The following ELMO1 variants were observed in gnomAD, a reference collection of about 807,000 sequenced individuals.
The protein encoded by ELMO1 is engulfment and cell motility 1.
Under a neutral mutation model 98.9 loss-of-function variants are expected in ELMO1, and 26 were observed. That is an observed-to-expected ratio of 0.26 (90% confidence interval 0.19 to 0.36). The LOEUF is 0.36. Among genes scored for constraint, ELMO1 ranks in the 10% least tolerant of loss-of-function variants. The probability of loss-of-function intolerance (pLI) is 1.00; values close to 1 mark genes in which losing one functional copy is unlikely to be tolerated. For missense variants in ELMO1, 627 were observed against 935.2 expected (o/e 0.67, Z 4.30); for synonymous variants, 346 against 346.0 (o/e 1.00, Z 0.00).
At chr7:37,067,873 T>C (rs1797068670) in intron 15 of ELMO1, among the ~76,000 whole-genome samples, 1 of 152,102 alleles carries the variant, frequency 6.6e-6, no homozygotes, top group Non-Finnish European at 1.5e-5. Context: ...CTGACAAATC[T>C]CAGAAGGATG....
chr7:37,286,711 G>A (rs970110964), intron 4 of ELMO1, among the ~76,000 whole-genome samples: 17 of 152,206 alleles, frequency 1.1e-4, no homozygotes, highest in Admixed American at 4.6e-4. Context: ...ATACAAGTCC[G>A]CCCATTTGGA....
In ELMO1 at chr7:37,281,002, T is replaced by A. The variant is rs148892734; in HGVS notation, c.193-9120A>T. Among the ~76,000 whole-genome samples, 551 of 122,098 alleles carry A rather than the reference T, an allele frequency of 4.5e-3. 6 individuals are homozygous for A. The East Asian group carries it at 0.06, about 13-fold the overall frequency. 80.1% of individuals were successfully genotyped at this position (122,098 alleles called of 152,430 possible). A position where few individuals can be genotyped will look rare whatever the true frequency, so the allele number is the denominator to read the frequency against. ...AAAGAAACTGTGGTATATATAAAAA[T>A]ATATATATAAATATATATATATACA... On this transcript the variant is annotated intron_variant, in intron 4 of 21. Coordinates refer to ENST00000310758, the MANE Select transcript of ELMO1 (RefSeq NM_014800.11).
intron 1 of ELMO1, among the ~76,000 whole-genome samples, chr7:37,386,071 A>C (rs532203589): frequency 1.3e-5 from 2 of 152,238 alleles, no homozygotes; most frequent in South Asian, 4.1e-4. Flanking sequence ...CTTCACCTTT[A>C]AGGAAGTGCC....
At chr7:37,043,880 A>G (rs1173239797) in intron 15 of ELMO1, among the ~76,000 whole-genome samples, 1 of 152,060 alleles carries the variant, frequency 6.6e-6, no homozygotes, top group Non-Finnish European at 1.5e-5. Flanking sequence ...CCTGCTTTAG[A>G]TCAAGAACTC....
intron 1 of ELMO1, among the ~76,000 whole-genome samples, chr7:37,346,659 A>C (rs1324197105): frequency 1.3e-5 from 2 of 152,236 alleles, no homozygotes; most frequent in African/African-American, 2.4e-5. Context: ...GCAGGCTCTA[A>C]TGTGCAAACA....
intron 1 of ELMO1, chr7:37,353,796 T>C (rs550620244): frequency 6.6e-6 from 1 of 152,346 alleles, no homozygotes; most frequent in South Asian, 2.1e-4. Flanking sequence ...TACAAACCTT[T>C]AGCTAGACAC....
intron 16 of ELMO1, among the ~76,000 whole-genome samples, chr7:36,929,177 G>C: frequency 6.6e-6 from 1 of 152,166 alleles, no homozygotes; most frequent in Non-Finnish European, 1.5e-5. Context: ...GCTACAGATT[G>C]GGGTATGGAT....
chr7:36,910,387 C>T (rs1025747389), intron 16 of ELMO1, among the ~76,000 whole-genome samples: 1 of 152,146 alleles, frequency 6.6e-6, no homozygotes, highest in African/African-American at 2.4e-5. Flanking sequence ...TTCAAGGTGG[C>T]TGGGAAACAC....
At chr7:37,198,478 G>A (rs764666978) in intron 13 of ELMO1, among the ~76,000 whole-genome samples, 4 of 152,214 alleles carry the variant, frequency 2.6e-5, no homozygotes, top group Non-Finnish European at 5.9e-5. Flanking sequence ...CTGGGTGGGA[G>A]ATACGACTAT....
At chr7:36,857,727 G>A (rs140784430) in intron 21 of ELMO1, among the ~76,000 whole-genome samples, 2 of 152,200 alleles carry the variant, frequency 1.3e-5, no homozygotes, top group Non-Finnish European at 2.9e-5. Flanking sequence ...CCCAAAAAGG[G>A]CTAAAAAATA....
intron 16 of ELMO1, among the ~76,000 whole-genome samples, chr7:37,011,970 C>T (rs1793591983): frequency 6.6e-6 from 1 of 152,180 alleles, no homozygotes; most frequent in Non-Finnish European, 1.5e-5. Flanking sequence ...TTCTCCACTT[C>T]CCTTCTTGAA....
chr7:36,987,076 A>T (rs1394065744), intron 16 of ELMO1, among the ~76,000 whole-genome samples: 1 of 152,158 alleles, frequency 6.6e-6, no homozygotes, highest in African/African-American at 2.4e-5. Flanking sequence ...AAGCGATTAC[A>T]CTGGCGGCTT....
chr7:37,069,737 G>A (rs918813256), intron 15 of ELMO1, among the ~76,000 whole-genome samples: 7 of 152,152 alleles, frequency 4.6e-5, no homozygotes, highest in African/African-American at 1.7e-4. Flanking sequence ...CTCAGAATTA[G>A]TAATAAACTT....
intron 15 of ELMO1, among the ~76,000 whole-genome samples, chr7:37,075,845 A>C (rs976264400): frequency 1.3e-5 from 2 of 152,214 alleles, no homozygotes; most frequent in South Asian, 2.1e-4. Flanking sequence ...CTCATCCCTT[A>C]AGATAAACCC....
chr7:37,106,133 AG>A (rs1784932166), intron 14 of ELMO1, among the ~76,000 whole-genome samples: 1 of 151,984 alleles, frequency 6.6e-6, no homozygotes, highest in Non-Finnish European at 1.5e-5. Flanking sequence ...CCATTGAAGC[AG>A]GACTGCATTT....
chr7:37,359,230 C>T (rs1801608347), intron 1 of ELMO1, among the ~76,000 whole-genome samples: 1 of 152,212 alleles, frequency 6.6e-6, no homozygotes, highest in African/African-American at 2.4e-5. Flanking sequence ...CTGCAGATTA[C>T]ATCTAAAAAT....
chr7:36,981,938 A>T (rs1353906139), intron 16 of ELMO1, among the ~76,000 whole-genome samples: 1 of 152,172 alleles, frequency 6.6e-6, no homozygotes, highest in Admixed American at 6.5e-5. Flanking sequence ...TGGTATGATG[A>T]TGGAGTGAGA....
chr7:37,316,442 G>A (rs558099381), intron 2 of ELMO1, among the ~76,000 whole-genome samples: 2 of 152,296 alleles, frequency 1.3e-5, no homozygotes, highest in Non-Finnish European at 2.9e-5. Flanking sequence ...TTCTTACAAA[G>A]TACATAGAAT....
chr7:36,917,779 G>A (rs573957942), intron 16 of ELMO1, among the ~76,000 whole-genome samples: 2 of 152,282 alleles, frequency 1.3e-5, no homozygotes, highest in Admixed American at 1.3e-4. Flanking sequence ...AGGTCCCCAA[G>A]GGTCACAAAT....
Sources: gnomAD v4.1 joint callset for allele counts (sites outside exome capture counted in the v4.1 genomes callset) on GRCh38, gnomAD v4.1.1 for gene constraint, MANE v1.5 for transcripts, NCBI Gene and HGNC (gene_info 2026-07-23, HGNC 2026-07-21) for gene names.